SLC5A6: variants seen among roughly 807,000 people sequenced by gnomAD.
The protein encoded by SLC5A6 is solute carrier family 5 member 6, also known as sodium-dependent multivitamin transporter.
In SLC5A6, 31 loss-of-function variants were observed where a neutral mutation model predicts 67.9. The observed-to-expected ratio is 0.46, with a 90% CI of 0.34 to 0.62. The LOEUF is 0.62. SLC5A6 is among the 20% of genes least tolerant of loss of function. The pLI, the probability that SLC5A6 is intolerant of heterozygous loss-of-function variation, is 0.01. For synonymous variants in SLC5A6, 343 were observed against 331.0 expected (o/e 1.04, Z -0.39); for missense variants, 673 against 812.8 (o/e 0.83, Z 2.09).
rs147857410 is a variant in SLC5A6 at position 27,207,600 on chromosome 2, T to A, written c.51A>T (p.Thr17=). Residue 17 remains threonine, a synonymous_variant, in exon 3 of 17, where the codon ACA becomes ACT. Transcript: ENST00000310574. The surrounding 1 kb of genome is among the most constrained non-coding windows in gnomAD (Gnocchi z 5.5). ...TGGAGAAGGTAGACATGCCCACGCTTGTGCCCGAGGTTGGGGAAAGAGGGG... is the reference window on the plus strand; with the variant it reads ...TGGAGAAGGTAGACATGCCCACGCTAGTGCCCGAGGTTGGGGAAAGAGGGG... ...TSAPLSPTSG[T]SVGMSTFSIM... The A allele has an allele frequency of 2.0e-5, 32 of 1,614,094 alleles. No homozygotes were observed. The African/African-American group carries it at 4.1e-4, about 21-fold the overall frequency.
chr2:27,209,726 C>T (rs1268038045), intron 2 of SLC5A6, among the ~76,000 whole-genome samples: 1 of 152,204 alleles, frequency 6.6e-6, no homozygotes, highest in African/African-American at 2.4e-5. Flanking sequence ...AAAGATTAGG[C>T]TGCCTTTCCG....
chr2:27,203,832 G>A lies in SLC5A6; in HGVS notation c.1041C>T (p.Gly347=). Reference sequence around the variant, plus strand: ...TGAAGAGCCCTGGCAGGCCTGGCAGGCCCTTCAGGAGATCCATCACAAAGT... The same window carrying A: ...TGAAGAGCCCTGGCAGGCCTGGCAGACCCTTCAGGAGATCCATCACAAAGT... The part of the protein sequence containing the change: ...VLYFVMDLLK[G]LPGLPGLFIA... Residue 347 remains glycine, a synonymous_variant, in exon 10 of 17, where the codon GGC becomes GGT. Coordinates refer to ENST00000310574, the MANE Select transcript of SLC5A6 (RefSeq NM_021095.4). 6.2e-7 allele frequency: 1 copy of A among 1,614,092 alleles called. No individual in the cohort carries two copies. Among genetic ancestry groups the A allele is most frequent in the Non-Finnish European group, 8.5e-7 (1 of 1,179,954 alleles).
chr2:27,207,688 T>C lies in SLC5A6; in HGVS notation c.-38A>G, dbSNP rs1674177692. On this transcript the variant is annotated 5_prime_UTR_variant, in exon 3 of 17. Coordinates refer to ENST00000310574, the MANE Select transcript of SLC5A6 (RefSeq NM_021095.4). The surrounding 1 kb of genome is among the most constrained non-coding windows in gnomAD (Gnocchi z 5.5). ...TCTGTGATCTGCAGCCAGTTGCTGCTCCAGGGCTCTGGGGTAGGGCAGGGG... is the reference window on the plus strand; with the variant it reads ...TCTGTGATCTGCAGCCAGTTGCTGCCCCAGGGCTCTGGGGTAGGGCAGGGG... The C allele has an allele frequency of 6.3e-7, 1 of 1,581,094 alleles. No homozygotes were observed. The highest frequency in any genetic ancestry group is 8.6e-7 in the Non-Finnish European group (1 of 1,159,848).
intron 8 of SLC5A6, 95 bp from the exon 9 acceptor site, chr2:27,204,685 C>A: frequency 6.3e-7 from 1 of 1,590,470 alleles, no homozygotes; most frequent in Non-Finnish European, 8.6e-7. Context: ...CACATCCTGA[C>A]CACAGTGGAT....
intron 1 of SLC5A6, 77 bp from the exon 2 acceptor site, chr2:27,211,610 C>G (rs575306326): frequency 6.5e-6 from 1 of 152,946 alleles, no homozygotes; most frequent in Admixed American, 6.5e-5. Flanking sequence ...GGACGCTATG[C>G]GCTATCAGCA....
At chr2:27,201,497 G>T (rs745584989) in intron 14 of SLC5A6, 44 bp from the exon 15 acceptor site, 48 of 1,426,860 alleles carry the variant, frequency 3.4e-5, no homozygotes, top group Non-Finnish European at 4.6e-5. Flanking sequence ...TCGTTGGCAG[G>T]GCATTCCTTG....
rs762792874 is a variant in SLC5A6 at position 27,207,617 on chromosome 2, A to C, written c.34T>G (p.Ser12Ala). 6.2e-7 allele frequency: 1 copy of C among 1,614,168 alleles called. No individual in the cohort carries two copies. Among genetic ancestry groups the C allele is most frequent in the Non-Finnish European group, 8.5e-7 (1 of 1,180,024 alleles). Residue 12 changes from serine (S) to alanine (A), a missense_variant, in exon 3 of 17, where the codon TCC becomes GCC. Physicochemically the swap from Ser to Ala is moderately conservative, Grantham distance 99. Transcript: ENST00000310574. The surrounding 1 kb of genome is among the most constrained non-coding windows in gnomAD (Gnocchi z 5.5). The stretch of plus-strand genomic sequence containing the variant: ...CCCACGCTTGTGCCCGAGGTTGGGG[A>C]AAGAGGGGCTGAGGTGCTCACCCCT... ...SVGVSTSAPLSPTSGTSVGMS... is the reference protein window; with the variant it reads ...SVGVSTSAPLAPTSGTSVGMS...
At position 27,204,836 on chromosome 2, in the gene SLC5A6, T is replaced by A. The variant is rs1442979696; in HGVS notation, c.830A>T (p.Gln277Leu). 1.9e-6 allele frequency: 3 copies of A among 1,614,150 alleles called. No homozygotes were observed. The stretch of plus-strand genomic sequence containing the variant: ...GCGGGAACTGAGGTACCGCTGCACC[T>A]GAGCCTGGTTCACCCCGTATAAGGA... The part of the protein sequence containing the change: ...MLSLYGVNQA[Q>L]VQRYLSSRTE... Residue 277 changes from glutamine to leucine, a missense_variant, in exon 8 of 17, where the codon CAG becomes CTG. Coordinates refer to ENST00000310574, the MANE Select transcript of SLC5A6 (RefSeq NM_021095.4).
rs372872252 is a variant in SLC5A6, at chr2:27,206,853, G to A, written c.459+24C>T. ...AGGTCCCCCAACATGCCCTAGGCTC[G>A]GTTTCTATCCTCATTCTGCTTACCA... is the stretch of plus-strand genomic sequence containing the variant. On this transcript the variant is annotated intron_variant, in intron 4 of 16. Transcript: ENST00000310574. 188 of 1,589,650 alleles carry A rather than the reference G, an allele frequency of 1.2e-4. No individual in the cohort carries two copies. In the African/African-American group the frequency reaches 1.5e-3, roughly 13 times the overall value.
chr2:27,203,239 C>T lies in SLC5A6; in HGVS notation c.1201G>A (p.Gly401Ser). The stretch of plus-strand genomic sequence containing the variant: ...TGAGGAAGCATAACCCCACCAAGGC[C>T]TCTGGAAAGCATGATGGCCCGGGCT... ...SEARAIMLSR[G>S]LAFGYGLLCL... Residue 401 changes from glycine (G) to serine (S), a missense_variant, in exon 11 of 17, where the codon GGC becomes AGC. By Grantham distance (56) the Gly-to-Ser change is moderately conservative. Coordinates refer to ENST00000310574, the MANE Select transcript of SLC5A6 (RefSeq NM_021095.4). 6.2e-7 allele frequency: 1 copy of T among 1,614,156 alleles called. No individual in the cohort carries two copies. Among genetic ancestry groups the T allele is most frequent in the Non-Finnish European group, 8.5e-7 (1 of 1,180,020 alleles).
At position 27,202,089 on chromosome 2, in the gene SLC5A6, TGAG is replaced by T; in HGVS notation, c.1276-18_1276-16del. 2 of 1,601,188 alleles carry T rather than the reference TGAG, an allele frequency of 1.2e-6. No individual in the cohort carries two copies. Among genetic ancestry groups the T allele is most frequent in the South Asian group, 1.1e-5 (1 of 90,776 alleles). On this transcript the variant is annotated splice_polypyrimidine_tract_variant and intron_variant, in intron 12 of 16. Transcript: ENST00000310574. ...CTGATTGCTGCCTAGGAGGACAGGG[TGAG>T]AAGAAAAGGAAAAAGAACACAGACT...
intron 1 of SLC5A6, 44 bp downstream of exon 1, chr2:27,211,976 T>TGCCCGCCCCCA: frequency 2.2e-5 from 9 of 415,016 alleles, no homozygotes; most frequent in Non-Finnish European, 3.3e-5. Flanking sequence ...CCCCGCCCCC[T>TGCCCGCCCCCA]GCCCGCCCCC....
intron 5 of SLC5A6, 158 bp downstream of exon 5, chr2:27,206,325 G>T: frequency 1.4e-6 from 1 of 735,120 alleles, no homozygotes; most frequent in Non-Finnish European, 2.3e-6. Context: ...GGTGGACCAA[G>T]CCTTCCTCTG....
chr2:27,212,076 G>A lies in SLC5A6; in HGVS notation c.-264C>T, dbSNP rs1232172049. On this transcript the variant is annotated 5_prime_UTR_variant, in exon 1 of 17. Coordinates refer to ENST00000310574, the MANE Select transcript of SLC5A6 (RefSeq NM_021095.4). ...GAAGCCGCGACCTCGGCGTCCGGAC[G>A]CGGGGAACACCGGGCTGAGGGAGTC... 2 of 1,287,506 alleles carry A rather than the reference G, an allele frequency of 1.6e-6. No homozygotes were observed. The highest frequency in any genetic ancestry group is 3.0e-5 in the East Asian group (1 of 33,038). 79.8% of individuals were successfully genotyped at this position (1,287,506 alleles called of 1,614,324 possible). A position where few individuals can be genotyped will look rare whatever the true frequency, so the allele number is the denominator to read the frequency against.
Position 27,207,734 on chromosome 2 carries a change from G to A in SLC5A6, c.-84C>T. 11 of 1,320,652 alleles carry A rather than the reference G, an allele frequency of 8.3e-6. No homozygotes were observed. The highest frequency in any genetic ancestry group is 5.4e-5 in the South Asian group (4 of 73,768). 81.8% of individuals were successfully genotyped at this position (1,320,652 alleles called of 1,614,324 possible). ...AGGGGCGGATGTGTGGCTACAATCTGGCTTCCAGCCACAGTCTCACAGTCT... is the reference window on the plus strand; with the variant it reads ...AGGGGCGGATGTGTGGCTACAATCTAGCTTCCAGCCACAGTCTCACAGTCT... On this transcript the variant is annotated 5_prime_UTR_variant, in exon 3 of 17. Coordinates refer to ENST00000310574, the MANE Select transcript of SLC5A6 (RefSeq NM_021095.4). This position sits in a 1 kb window ranked among gnomAD's most constrained non-coding sequence, Gnocchi z 5.5.
chr2:27,205,339 G>T lies in SLC5A6; in HGVS notation c.734+11C>A, dbSNP rs182709077. Reference sequence around the variant, plus strand: ...ACTGCAGACCCCAGCCAGGAGTAGGGGTATACTTACTCAAACCCAGAGATG... The same window carrying T: ...ACTGCAGACCCCAGCCAGGAGTAGGTGTATACTTACTCAAACCCAGAGATG... On this transcript the variant is annotated intron_variant, in intron 7 of 16. Coordinates refer to ENST00000310574, the MANE Select transcript of SLC5A6 (RefSeq NM_021095.4). 2.5e-3 allele frequency: 4,052 copies of T among 1,613,726 alleles called. 8 individuals carry two copies. Among genetic ancestry groups the T allele is most frequent in the Middle Eastern group, 5.1e-3 (31 of 6,060 alleles).
rs376266938 is a variant in SLC5A6, at chr2:27,211,915, A to T, written c.-208+105T>A. 3 of 373,116 alleles carry T rather than the reference A, an allele frequency of 8.0e-6. No individual in the cohort carries two copies. In the Admixed American group the frequency reaches 1.6e-4, roughly 20 times the overall value. 23.1% of individuals were successfully genotyped at this position (373,116 alleles called of 1,614,324 possible). On this transcript the variant is annotated intron_variant, in intron 1 of 16. Transcript: ENST00000310574. ...CCAGGCCCACCTGCCCGGTCTCCAC[A>T]CGTGGGTAGCCAGAGCCCGGCCGAG...
At position 27,206,932 on chromosome 2, in the gene SLC5A6, A is replaced by T. The variant is rs1045861305; in HGVS notation, c.404T>A (p.Leu135His). 6.2e-7 allele frequency: 1 copy of T among 1,613,290 alleles called. No individual in the cohort carries two copies. The highest frequency in any genetic ancestry group is 1.3e-5 in the African/African-American group (1 of 74,866). The stretch of plus-strand genomic sequence containing the variant: ...CACTCGCACAGTTTTATTGAATCGA[A>T]GCTCCAGGTACTGGGTATACAGAAA... The part of the protein sequence containing the change: ...HLTSAYEYLE[L>H]RFNKTVRVCG... The change falls in exon 4 of 17, where the codon CTT (leucine) becomes CAT (histidine). Residue 135 changes from leucine to histidine, a missense_variant. By Grantham distance (99) the Leu-to-His change is moderately conservative (BLOSUM62 -3). Coordinates refer to ENST00000310574, the MANE Select transcript of SLC5A6 (RefSeq NM_021095.4).
At chr2:27,212,632 G>A (rs1272440194), upstream of SLC5A6, 2 of 1,409,180 alleles carry the variant, frequency 1.4e-6, no homozygotes, top group East Asian at 2.8e-5. Flanking sequence ...TACTCACGTC[G>A]TGCAGGCCTT....
Sources: allele counts gnomAD v4.1 joint callset (sites outside exome capture counted in the v4.1 genomes callset), GRCh38; gene constraint gnomAD v4.1.1; non-coding constraint Gnocchi (gnomAD v3.1); transcripts MANE v1.5; gene names NCBI Gene and HGNC (gene_info 2026-07-23, HGNC 2026-07-21).